CEP63: variants seen among roughly 807,000 people sequenced by gnomAD.
The protein encoded by CEP63 is centrosomal protein 63.
CEP63 carries 84 observed loss-of-function variants against 89.1 expected under a neutral mutation model. The ratio of observed to expected loss-of-function variants is 0.94; its 90% CI spans 0.79 to 1.13. The LOEUF (loss-of-function observed/expected upper bound fraction) is 1.13. Among genes scored for constraint, CEP63 ranks in the 50% most tolerant of loss-of-function variants. CEP63 has a pLI of 0.00. For synonymous variants in CEP63, 267 were observed against 272.5 expected, an observed-to-expected ratio of 0.98 and a Z score of 0.20; for missense variants, 838 against 813.3, an observed-to-expected ratio of 1.03 and a Z score of -0.37.
chr3:134,547,588 TC>T, intron 9 of CEP63, 116 bp downstream of exon 9: 1 of 671,154 alleles, frequency 1.5e-6, no homozygotes, highest in Non-Finnish European at 2.5e-6. Context: ...TTTTCTAGTA[TC>T]CACAAATGGC....
chr3:134,618,593 C>G, the CEP63 span, among the ~76,000 whole-genome samples: 1 of 149,024 alleles, frequency 6.7e-6, no homozygotes, highest in African/African-American at 2.5e-5. Context: ...GGCCTGTTCT[C>G]CTGCTCAGGC....
At chr3:134,666,950 G>C in the CEP63 span, among the ~76,000 whole-genome samples, 556 of 152,280 alleles carry the variant, frequency 3.7e-3, 2 homozygotes, top group African/African-American at 0.013. Flanking sequence ...TTACCGGAAA[G>C]CCCATGCTCA....
chr3:134,532,960 G>A, intron 5 of CEP63, 60 bp downstream of exon 5: 1 of 1,571,386 alleles, frequency 6.4e-7, no homozygotes, highest in African/African-American at 1.3e-5. Flanking sequence ...GGAAAATGCG[G>A]TTTCTAATGG....
chr3:134,750,789 G>T, the CEP63 span, among the ~76,000 whole-genome samples: 1 of 152,188 alleles, frequency 6.6e-6, no homozygotes, highest in Non-Finnish European at 1.5e-5. Flanking sequence ...GAAGAAAGGG[G>T]TTTATGTCCA....
chr3:134,520,148 G>A (rs1244334974), intron 3 of CEP63, among the ~76,000 whole-genome samples: 1 of 152,110 alleles, frequency 6.6e-6, no homozygotes, highest in Non-Finnish European at 1.5e-5. Flanking sequence ...TACCACTGCA[G>A]TAATTAGCAC....
chr3:134,738,295 T>C, the CEP63 span, among the ~76,000 whole-genome samples: 4 of 133,826 alleles, frequency 3.0e-5, no homozygotes, highest in African/African-American at 1.2e-4. Flanking sequence ...CACACCACAA[T>C]ATCTTTATCC....
intron 10 of CEP63, among the ~76,000 whole-genome samples, chr3:134,583,415 A>G (rs1272618869): frequency 1.3e-5 from 2 of 152,242 alleles, no homozygotes; most frequent in Admixed American, 1.3e-4. Flanking sequence ...CAGTTTTCCC[A>G]GCACCATTTA....
the CEP63 span, among the ~76,000 whole-genome samples, chr3:134,646,496 T>C: frequency 1.5e-4 from 23 of 152,224 alleles, no homozygotes; most frequent in Admixed American, 5.2e-4. Flanking sequence ...CCCTGTTTCA[T>C]TTCCAATATT....
the CEP63 span, among the ~76,000 whole-genome samples, chr3:134,691,070 C>A: frequency 2.0e-5 from 3 of 152,134 alleles, no homozygotes; most frequent in Non-Finnish European, 4.4e-5. Flanking sequence ...TAAATTATTT[C>A]TTGGCTAAGC....
At chr3:134,744,752 A>G in the CEP63 span, among the ~76,000 whole-genome samples, 1 of 152,104 alleles carries the variant, frequency 6.6e-6, no homozygotes, top group Non-Finnish European at 1.5e-5. Context: ...TCCTGGGCTC[A>G]AGCAATCCTC....
chr3:134,608,852 C>T, the CEP63 span: 6 of 1,599,624 alleles, frequency 3.8e-6, no homozygotes, highest in Non-Finnish European at 5.1e-6. Flanking sequence ...GGAGCAGAGA[C>T]AAGCTGGTTA....
chr3:134,538,197 G>A (rs1951161630), intron 6 of CEP63, among the ~76,000 whole-genome samples: 1 of 90,730 alleles, frequency 1.1e-5, no homozygotes, highest in African/African-American at 3.7e-5. Context: ...TAGAAGGGAG[G>A]GTTTTTTTTT....
At chr3:134,648,257 T>A in the CEP63 span, among the ~76,000 whole-genome samples, 1 of 152,196 alleles carries the variant, frequency 6.6e-6, no homozygotes, top group Non-Finnish European at 1.5e-5. Context: ...CTTACGGTAC[T>A]GTTCCTGGAA....
chr3:134,487,777 A>T (rs913334075), intron 1 of CEP63, among the ~76,000 whole-genome samples: 2 of 152,184 alleles, frequency 1.3e-5, no homozygotes, highest in Non-Finnish European at 2.9e-5. Context: ...TCAGATAACG[A>T]TTTCTTCAAC....
chr3:134,632,230 T>C, the CEP63 span, among the ~76,000 whole-genome samples: 1 of 152,032 alleles, frequency 6.6e-6, no homozygotes, highest in Non-Finnish European at 1.5e-5. Context: ...AATCAGCAAA[T>C]ATATAGAAGA....
At chr3:134,510,468 C>T (rs1190721010) in intron 3 of CEP63, 4 of 298,072 alleles carry the variant, frequency 1.3e-5, no homozygotes, top group South Asian at 1.2e-4. Flanking sequence ...ACCATGGAAT[C>T]GACTGTTGAG....
the CEP63 span, among the ~76,000 whole-genome samples, chr3:134,682,239 C>T: frequency 6.6e-6 from 1 of 152,208 alleles, no homozygotes; most frequent in Non-Finnish European, 1.5e-5. Flanking sequence ...AAGCCTGTTA[C>T]TTCTGAGTGC....
At chr3:134,765,891 TG>T in the CEP63 span, among the ~76,000 whole-genome samples, 2 of 152,164 alleles carry the variant, frequency 1.3e-5, no homozygotes, top group African/African-American at 2.4e-5. Flanking sequence ...AAAGACATAC[TG>T]GGGCATCTGG....
At chr3:134,710,888 A>G in the CEP63 span, among the ~76,000 whole-genome samples, 1 of 151,720 alleles carries the variant, frequency 6.6e-6, no homozygotes, top group African/African-American at 2.4e-5. Flanking sequence ...TGCCAGGCTA[A>G]TTTTTTGTAT....
Sources: allele counts gnomAD v4.1 joint callset (sites outside exome capture counted in the v4.1 genomes callset), GRCh38; gene constraint gnomAD v4.1.1; transcripts MANE v1.5; gene names NCBI Gene and HGNC (gene_info 2026-07-23, HGNC 2026-07-21).